The following SRRM4 variants were observed in gnomAD, a reference collection of about 807,000 sequenced individuals.
SRRM4 encodes serine/arginine repetitive matrix protein 4.
In SRRM4, 33 loss-of-function variants were observed where a neutral mutation model predicts 68.9. That is an observed-to-expected ratio of 0.48 (90% CI 0.36 to 0.64). The LOEUF (loss-of-function observed/expected upper bound fraction) is 0.64. SRRM4 is among the 30% of genes least tolerant of loss of function. The pLI, the probability that SRRM4 is intolerant of heterozygous loss-of-function variation, is 0.00. For synonymous variants in SRRM4, 318 were observed against 318.8 expected (o/e 1.00, Z 0.03); for missense variants, 817 against 827.1 (o/e 0.99, Z 0.15).
intron 10 of SRRM4, among the ~76,000 whole-genome samples, chr12:119,151,430 C>T (rs1739852813): frequency 6.6e-6 from 1 of 152,164 alleles, no homozygotes; most frequent in South Asian, 2.1e-4. Context: ...AATAGCAATT[C>T]TTACCAGAAA....
At chr12:119,029,626 T>C (rs1953573931) in intron 1 of SRRM4, among the ~76,000 whole-genome samples, 1 of 152,206 alleles carries the variant, frequency 6.6e-6, no homozygotes, top group Non-Finnish European at 1.5e-5. Context: ...AAACTAGACT[T>C]AGCTTTGAAG....
At chr12:119,024,667 C>T (rs1424075913) in intron 1 of SRRM4, among the ~76,000 whole-genome samples, 1 of 152,314 alleles carries the variant, frequency 6.6e-6, no homozygotes, top group South Asian at 2.1e-4. Flanking sequence ...AACTGAGCTT[C>T]CCTGGGGCTA....
intron 1 of SRRM4, among the ~76,000 whole-genome samples, chr12:119,075,655 AGCGATGATGGTGATGATGATG>A (rs1308388944): frequency 2.4e-5 from 2 of 82,426 alleles, no homozygotes; most frequent in Non-Finnish European, 5.0e-5. Flanking sequence ...TGATGATGGT[AGCGATGATGGTGATGATGATG>A]GTGATGATGG....
At chr12:119,013,649 T>G (rs1055619201) in intron 1 of SRRM4, among the ~76,000 whole-genome samples, 2 of 152,226 alleles carry the variant, frequency 1.3e-5, no homozygotes, top group African/African-American at 4.8e-5. Context: ...TTAAAATATA[T>G]GACTGCATTT....
At chr12:119,127,582 G>T (rs1355786497) in intron 7 of SRRM4, among the ~76,000 whole-genome samples, 3 of 152,024 alleles carry the variant, frequency 2.0e-5, no homozygotes, top group Admixed American at 1.3e-4. Flanking sequence ...ACAAAAATTA[G>T]CCAGGTGTGG....
At chr12:119,092,813 T>C (rs1592895240) in intron 1 of SRRM4, among the ~76,000 whole-genome samples, 3 of 152,092 alleles carry the variant, frequency 2.0e-5, no homozygotes, top group Admixed American at 2.0e-4. Context: ...CAATGGCATC[T>C]CATCTCACCG....
Position 119,156,527 on chromosome 12 carries a change from C to T in SRRM4, c.1565C>T (p.Pro522Leu). The T allele has an allele frequency of 6.2e-7, 1 of 1,610,536 alleles. No individual in the cohort carries two copies. Among genetic ancestry groups the T allele is most frequent in the East Asian group, 2.2e-5 (1 of 44,822 alleles). The stretch of plus-strand genomic sequence containing the variant: ...AAACGCCCCATCCCCTACTATCGGC[C>T]CAGCCCCTCCTCATCCGGCAGCCTC... The part of the protein sequence containing the change: ...ARKRPIPYYR[P>L]SPSSSGSLSS... The change falls in exon 13 of 13, where the codon CCC becomes CTC. Residue 522 changes from proline to leucine, a missense_variant. Pro to Leu is a moderately conservative substitution (Grantham distance 98, BLOSUM62 -3). Coordinates refer to ENST00000267260, the MANE Select transcript of SRRM4 (RefSeq NM_194286.4).
rs116287124 is a variant in SRRM4 at position 119,006,400 on chromosome 12, T to A, written c.131+24387T>A. On this transcript the variant is annotated intron_variant, in intron 1 of 12. Transcript: ENST00000267260. ...CTTGGATTTCCCACCATAGAAAAATTGAAAAGTCCCTATGAAACCTTTGAG... is the reference window on the plus strand; with the variant it reads ...CTTGGATTTCCCACCATAGAAAAATAGAAAAGTCCCTATGAAACCTTTGAG... Among the ~76,000 whole-genome samples, 663 of 152,212 alleles carry A rather than the reference T, an allele frequency of 4.4e-3. 10 individuals are homozygous for A. The highest frequency in any genetic ancestry group is 0.015 in the African/African-American group (627 of 41,538).
At chr12:119,000,823 A>G (rs937435938) in intron 1 of SRRM4, 2 of 152,170 alleles carry the variant, frequency 1.3e-5, no homozygotes, top group African/African-American at 2.4e-5. Flanking sequence ...CATTTGGCCA[A>G]TGGGGGAACC....
chr12:118,997,084 G>A (rs562110485), intron 1 of SRRM4, among the ~76,000 whole-genome samples: 1 of 152,234 alleles, frequency 6.6e-6, no homozygotes, highest in East Asian at 1.9e-4. Flanking sequence ...TCCATGAAAA[G>A]GAAAAACCCT....
At chr12:119,156,030 T>C (rs1025367358) in intron 12 of SRRM4, among the ~76,000 whole-genome samples, 8 of 152,224 alleles carry the variant, frequency 5.3e-5, no homozygotes, top group Non-Finnish European at 7.3e-5. Context: ...CACATATGAC[T>C]TGTCTGTTTA....
chr12:119,149,048 G>A (rs996910736), intron 9 of SRRM4, among the ~76,000 whole-genome samples: 12 of 152,154 alleles, frequency 7.9e-5, no homozygotes, highest in African/African-American at 2.9e-4. Context: ...TGTAAATCTG[G>A]GGGTAATAAT....
chr12:119,065,695 T>C (rs750749104), intron 1 of SRRM4, among the ~76,000 whole-genome samples: 1 of 152,122 alleles, frequency 6.6e-6, no homozygotes, highest in Non-Finnish European at 1.5e-5. Flanking sequence ...GAGGTTGCAG[T>C]GAGCCGAGAT....
intron 1 of SRRM4, among the ~76,000 whole-genome samples, chr12:119,051,164 C>T (rs1223339254): frequency 6.6e-6 from 1 of 152,150 alleles, no homozygotes; most frequent in African/African-American, 2.4e-5. Context: ...AGAGGACAGA[C>T]CCCCAGTAGT....
intron 1 of SRRM4, among the ~76,000 whole-genome samples, chr12:119,090,891 C>G (rs1954010631): frequency 6.6e-6 from 1 of 152,204 alleles, no homozygotes; most frequent in Non-Finnish European, 1.5e-5. Flanking sequence ...GGAGACCCCT[C>G]TGGTGGCCCC....
At position 118,981,784 on chromosome 12, in the gene SRRM4, ACC is replaced by A; in HGVS notation, c.-97_-96del. 7.1e-7 allele frequency: 1 copy of A among 1,404,276 alleles called. No homozygotes were observed. Among genetic ancestry groups the A allele is most frequent in the Non-Finnish European group, 9.6e-7 (1 of 1,045,216 alleles). The allele number at this position is 1,404,276 out of a possible 1,614,324, so 87.0% of individuals were successfully genotyped here. ...CCCACCCCACCCCTCTCTGGGTTTC[ACC>A]CGGACAGAGCCGGGAGCTGGGTGTC... is the stretch of plus-strand genomic sequence containing the variant. On this transcript the variant is annotated 5_prime_UTR_variant, in exon 1 of 13. Coordinates refer to ENST00000267260, the MANE Select transcript of SRRM4 (RefSeq NM_194286.4).
chr12:119,029,760 G>T (rs191320343), intron 1 of SRRM4, among the ~76,000 whole-genome samples: 1 of 152,186 alleles, frequency 6.6e-6, no homozygotes, highest in Non-Finnish European at 1.5e-5. Flanking sequence ...GGAACTTGCC[G>T]AATATGCCAA....
intron 1 of SRRM4, chr12:119,001,510 A>T (rs1228313311): frequency 2.0e-5 from 3 of 152,206 alleles, no homozygotes; most frequent in Non-Finnish European, 4.4e-5. Context: ...TCTCTGTATG[A>T]GTGGAAGAGG....
chr12:119,153,741 C>A, intron 11 of SRRM4, 92 bp downstream of exon 11: 1 of 916,926 alleles, frequency 1.1e-6, no homozygotes, highest in Non-Finnish European at 1.7e-6. Context: ...GTTCTCGGGC[C>A]TTCTTCCTCT....
Sources: gnomAD v4.1 joint callset for allele counts (sites outside exome capture counted in the v4.1 genomes callset) on GRCh38, gnomAD v4.1.1 for gene constraint, MANE v1.5 for transcripts, NCBI Gene and HGNC (gene_info 2026-07-23, HGNC 2026-07-21) for gene names.